The following NXPE2 variants were observed in gnomAD, a reference collection of about 807,000 sequenced individuals.
NXPE2 encodes neurexophilin and PC-esterase domain family member 2.
Under a neutral mutation model 34.4 loss-of-function variants are expected in NXPE2, and 34 were observed. The observed-to-expected ratio is 0.99, with a 90% CI of 0.75 to 1.31. The LOEUF (loss-of-function observed/expected upper bound fraction) is 1.31. Among genes scored for constraint, NXPE2 ranks in the 40% most tolerant of loss-of-function variants. The pLI is 0.00. For synonymous variants in NXPE2, 235 were observed against 231.3 expected (o/e 1.02, Z -0.15); for missense variants, 649 against 672.5 (o/e 0.97, Z 0.39).
the NXPE2 span, among the ~76,000 whole-genome samples, chr11:114,602,849 A>T: frequency 2.7e-5 from 4 of 147,356 alleles, no homozygotes; most frequent in Non-Finnish European, 6.0e-5. Flanking sequence ...TTACAGAATC[A>T]CATATAATTA....
At chr11:114,802,180 G>A in the NXPE2 span, among the ~76,000 whole-genome samples, 5 of 152,186 alleles carry the variant, frequency 3.3e-5, no homozygotes, top group Non-Finnish European at 7.3e-5. Context: ...TTTGGCAAGA[G>A]TGGGTCTGAC....
At chr11:114,739,371 C>A in the NXPE2 span, among the ~76,000 whole-genome samples, 4 of 62,182 alleles carry the variant, frequency 6.4e-5, no homozygotes, top group Non-Finnish European at 1.1e-4. Context: ...TCCCTCCCTC[C>A]CTCACTCACT....
chr11:114,470,582 C>CGTGTGTGTGT, the NXPE2 span, among the ~76,000 whole-genome samples: 165 of 144,938 alleles, frequency 1.1e-3, no homozygotes, highest in Middle Eastern at 3.5e-3. Context: ...AAAGAATTGA[C>CGTGTGTGTGT]GTGTGTGTGT....
At chr11:114,516,005 C>G in the NXPE2 span, among the ~76,000 whole-genome samples, 8 of 152,162 alleles carry the variant, frequency 5.3e-5, no homozygotes, top group Non-Finnish European at 1.2e-4. Flanking sequence ...GAGGTTAGTC[C>G]TATCTTATGT....
At chr11:114,600,398 A>C in the NXPE2 span, among the ~76,000 whole-genome samples, 1 of 152,114 alleles carries the variant, frequency 6.6e-6, no homozygotes, top group African/African-American at 2.4e-5. Flanking sequence ...TCATTCCTTC[A>C]TTTACCAAAT....
At chr11:114,775,144 T>C in the NXPE2 span, among the ~76,000 whole-genome samples, 1 of 152,184 alleles carries the variant, frequency 6.6e-6, no homozygotes, top group Non-Finnish European at 1.5e-5. Flanking sequence ...TAGGGGACGC[T>C]GGGTGCACCT....
chr11:114,556,433 T>A, the NXPE2 span, among the ~76,000 whole-genome samples: 3 of 152,100 alleles, frequency 2.0e-5, no homozygotes, highest in Non-Finnish European at 4.4e-5. Context: ...ATTTCAGGGC[T>A]TTTTCTTCTA....
downstream of NXPE2, among the ~76,000 whole-genome samples, chr11:114,708,013 T>C (rs1951502961): frequency 6.6e-6 from 1 of 152,196 alleles, no homozygotes; most frequent in African/African-American, 2.4e-5. Flanking sequence ...AAAACCAAAT[T>C]TAAAGGCATG....
At chr11:114,470,526 T>G in the NXPE2 span, among the ~76,000 whole-genome samples, 1 of 151,966 alleles carries the variant, frequency 6.6e-6, no homozygotes, top group South Asian at 2.1e-4. Flanking sequence ...GTCCAGATCT[T>G]TTGCTCATTT....
chr11:114,476,466 T>G, the NXPE2 span, among the ~76,000 whole-genome samples: 2 of 152,044 alleles, frequency 1.3e-5, no homozygotes, highest in Non-Finnish European at 1.5e-5. Flanking sequence ...GCATAATAGT[T>G]GTATTTGTCC....
chr11:114,519,690 T>G, the NXPE2 span, among the ~76,000 whole-genome samples: 1 of 152,062 alleles, frequency 6.6e-6, no homozygotes, highest in Non-Finnish European at 1.5e-5. Flanking sequence ...TGTAGAGTGG[T>G]GCAGAGGCTT....
At chr11:114,612,890 A>G in the NXPE2 span, among the ~76,000 whole-genome samples, 1 of 151,730 alleles carries the variant, frequency 6.6e-6, no homozygotes, top group Non-Finnish European at 1.5e-5. Context: ...GTGTTGCCTC[A>G]CGGGTAAGCA....
chr11:114,556,956 T>C, the NXPE2 span, among the ~76,000 whole-genome samples: 2,881 of 151,496 alleles, frequency 0.019, 94 homozygotes, highest in African/African-American at 0.067. Context: ...GCAGTGGCAC[T>C]ATCTTGGCTC....
chr11:114,674,036 T>C (rs774985985), upstream of NXPE2, among the ~76,000 whole-genome samples: 1 of 151,594 alleles, frequency 6.6e-6, no homozygotes, highest in Non-Finnish European at 1.5e-5. Context: ...TTAGTGGAGA[T>C]TAAAAATTTC....
chr11:114,615,708 T>C, the NXPE2 span, among the ~76,000 whole-genome samples: 5 of 149,110 alleles, frequency 3.4e-5, no homozygotes, highest in African/African-American at 1.3e-4. Flanking sequence ...CTGTTATCCA[T>C]TGGATAATAA....
At chr11:114,748,304 C>A in the NXPE2 span, among the ~76,000 whole-genome samples, 1 of 152,172 alleles carries the variant, frequency 6.6e-6, no homozygotes, top group Non-Finnish European at 1.5e-5. Context: ...GCAGTTCCTA[C>A]TAATAAGGAC....
chr11:114,543,500 T>C, the NXPE2 span, among the ~76,000 whole-genome samples: 1 of 148,780 alleles, frequency 6.7e-6, no homozygotes, highest in Non-Finnish European at 1.5e-5. Flanking sequence ...CAGCCTGGGG[T>C]ACAGAGTGAG....
chr11:114,719,194 C>G, the NXPE2 span, among the ~76,000 whole-genome samples: 2 of 152,176 alleles, frequency 1.3e-5, no homozygotes, highest in East Asian at 3.9e-4. Context: ...ATCTTTACTG[C>G]CAACATGTGA....
At chr11:114,802,656 A>G in the NXPE2 span, among the ~76,000 whole-genome samples, 1 of 152,100 alleles carries the variant, frequency 6.6e-6, no homozygotes. Context: ...TTCACTGCAT[A>G]TCAACACCTG....
Sources: allele counts gnomAD v4.1 joint callset (sites outside exome capture counted in the v4.1 genomes callset), GRCh38; gene constraint gnomAD v4.1.1; transcripts MANE v1.5; gene names NCBI Gene and HGNC (gene_info 2026-07-23, HGNC 2026-07-21).